Variants in MRTFA observed in about 807,000 individuals in gnomAD.
MRTFA encodes myocardin-related transcription factor A.
Under a neutral mutation model 83.5 loss-of-function variants are expected in MRTFA, and 20 were observed. The ratio of observed to expected loss-of-function variants is 0.24; its 90% CI spans 0.17 to 0.35. The LOEUF (loss-of-function observed/expected upper bound fraction) is 0.35, where lower values mean the gene tolerates loss of function less well. Among genes scored for constraint, MRTFA ranks in the 10% least tolerant of loss-of-function variants. MRTFA has a pLI of 1.00. For synonymous variants in MRTFA, 659 were observed against 541.2 expected (o/e 1.22, Z -3.02); for missense variants, 1,200 against 1,224.7 (o/e 0.98, Z 0.30).
intron 6 of MRTFA, among the ~76,000 whole-genome samples, 191 bp downstream of exon 6, chr22:40,431,212 CTG>C (rs1402535525): frequency 3.3e-5 from 5 of 152,178 alleles, no homozygotes; most frequent in Non-Finnish European, 7.3e-5. Flanking sequence ...CAGCATGTGA[CTG>C]TGCTTTTTGA....
intron 1 of MRTFA, among the ~76,000 whole-genome samples, chr22:40,617,474 G>C (rs1044665674): frequency 1.3e-5 from 2 of 151,678 alleles, no homozygotes; most frequent in Admixed American, 6.6e-5. Flanking sequence ...CGCCTGTAAT[G>C]CCAGCACTTT....
intron 10 of MRTFA, 70 bp downstream of exon 10, chr22:40,420,777 G>T (rs956234061): frequency 1.3e-6 from 2 of 1,596,596 alleles, no homozygotes; most frequent in Non-Finnish European, 1.7e-6. Flanking sequence ...ACCCCCACCA[G>T]ACCTGGCACC....
At chr22:40,548,801 T>C (rs1487560187) in intron 3 of MRTFA, among the ~76,000 whole-genome samples, 1 of 151,636 alleles carries the variant, frequency 6.6e-6, no homozygotes, top group Non-Finnish European at 1.5e-5. Context: ...GAGGCGGAGG[T>C]TGCAGTGAGT....
At chr22:40,546,423 G>C (rs2055365670) in intron 3 of MRTFA, among the ~76,000 whole-genome samples, 1 of 152,240 alleles carries the variant, frequency 6.6e-6, no homozygotes, top group Non-Finnish European at 1.5e-5. Flanking sequence ...GTAAGTCGTA[G>C]ATATCCGTGG....
intron 2 of MRTFA, among the ~76,000 whole-genome samples, chr22:40,573,736 C>CT (rs1249249835): frequency 6.8e-6 from 1 of 146,786 alleles, no homozygotes; most frequent in Non-Finnish European, 1.5e-5. Flanking sequence ...GGCCCTGTGT[C>CT]TTTAAAAAAA....
intron 3 of MRTFA, among the ~76,000 whole-genome samples, chr22:40,478,302 T>C (rs1640328944): frequency 6.6e-6 from 1 of 152,124 alleles, no homozygotes; most frequent in Non-Finnish European, 1.5e-5. Flanking sequence ...CAAATGAAGT[T>C]TGGAGTTTAC....
chr22:40,500,867 G>C (rs1448567513), intron 3 of MRTFA, among the ~76,000 whole-genome samples: 1 of 151,244 alleles, frequency 6.6e-6, no homozygotes, highest in South Asian at 2.1e-4. Context: ...ATTCCACAAA[G>C]CCGCCATTGT....
chr22:40,483,636 G>T (rs1403580008), intron 3 of MRTFA, among the ~76,000 whole-genome samples: 1 of 151,332 alleles, frequency 6.6e-6, no homozygotes, highest in Non-Finnish European at 1.5e-5. Flanking sequence ...AGTGAGCCGA[G>T]ATAGTGCCAC....
chr22:40,609,175 C>T (rs914795074), intron 1 of MRTFA, among the ~76,000 whole-genome samples: 18 of 151,832 alleles, frequency 1.2e-4, no homozygotes, highest in Admixed American at 2.0e-4. Context: ...CCTGTAGTCC[C>T]AGCTTCTCAG....
rs1409294819 is a variant in MRTFA, at chr22:40,424,190, G to A, written c.777+16C>T. The stretch of plus-strand genomic sequence containing the variant: ...GCACCTTGGAGCTGGGGAAGCATCT[G>A]GAAGCACACACTCACCTGGGTGGGG... On this transcript the variant is annotated intron_variant, in intron 8 of 14. Coordinates refer to ENST00000355630, the MANE Select transcript of MRTFA (RefSeq NM_020831.6). The A allele has an allele frequency of 1.9e-6, 3 of 1,581,654 alleles. No individual in the cohort carries two copies. The highest frequency in any genetic ancestry group is 1.9e-5 in the Admixed American group (1 of 52,016).
intron 1 of MRTFA, among the ~76,000 whole-genome samples, chr22:40,616,607 G>T (rs1211990548): frequency 6.6e-6 from 1 of 152,148 alleles, no homozygotes; most frequent in Non-Finnish European, 1.5e-5. Flanking sequence ...GGAGGAAAAG[G>T]GAGATGCCAA....
intron 3 of MRTFA, among the ~76,000 whole-genome samples, chr22:40,544,506 C>T (rs2055334500): frequency 6.6e-6 from 1 of 152,152 alleles, no homozygotes; most frequent in African/African-American, 2.4e-5. Context: ...GGATTATAGG[C>T]ATGAGACACT....
At chr22:40,570,319 T>C (rs1171612634) in intron 2 of MRTFA, among the ~76,000 whole-genome samples, 3 of 152,026 alleles carry the variant, frequency 2.0e-5, no homozygotes, top group Non-Finnish European at 2.9e-5. Flanking sequence ...CTCATGCCTG[T>C]AATCCCAGCA....
intron 1 of MRTFA, among the ~76,000 whole-genome samples, chr22:40,598,654 G>C (rs540423811): frequency 6.6e-6 from 1 of 152,040 alleles, no homozygotes; most frequent in Admixed American, 6.6e-5. Flanking sequence ...TTAAAAATTA[G>C]ATGTGTGTGC....
intron 3 of MRTFA, among the ~76,000 whole-genome samples, chr22:40,498,280 T>TATATATATATATTTATATATATA (rs1602339571): frequency 3.0e-5 from 3 of 100,380 alleles, no homozygotes; most frequent in Non-Finnish European, 4.2e-5. Flanking sequence ...TATATTTTTT[T>TATATATATATATTTATATATATA]TTTTTTTTTT....
At chr22:40,582,561 A>C (rs990014555) in intron 2 of MRTFA, among the ~76,000 whole-genome samples, 16 of 152,038 alleles carry the variant, frequency 1.1e-4, no homozygotes, top group African/African-American at 3.9e-4. Flanking sequence ...TCCTCTTCCC[A>C]AAAAAATTCA....
intron 4 of MRTFA, among the ~76,000 whole-genome samples, chr22:40,457,490 G>A (rs1004481140): frequency 1.4e-3 from 201 of 144,774 alleles, no homozygotes; most frequent in Admixed American, 3.4e-3. Flanking sequence ...AAGAAAGAAG[G>A]AAAGAAAGAA....
intron 1 of MRTFA, among the ~76,000 whole-genome samples, chr22:40,616,122 C>A (rs2056447124): frequency 6.6e-6 from 1 of 152,036 alleles, no homozygotes; most frequent in Non-Finnish European, 1.5e-5. Flanking sequence ...TTAAAAATTC[C>A]AGACTTCTGG....
intron 4 of MRTFA, among the ~76,000 whole-genome samples, chr22:40,457,225 C>T (rs922974798): frequency 2.0e-5 from 3 of 151,912 alleles, no homozygotes; most frequent in Admixed American, 6.6e-5. Flanking sequence ...ATTAGCTGGG[C>T]GTGGTGGCCG....
Sources: gnomAD v4.1 joint callset for allele counts (sites outside exome capture counted in the v4.1 genomes callset) on GRCh38, gnomAD v4.1.1 for gene constraint, MANE v1.5 for transcripts, NCBI Gene and HGNC (gene_info 2026-07-23, HGNC 2026-07-21) for gene names.